Variants in SLC44A3 observed in about 807,000 individuals in gnomAD.
The protein encoded by SLC44A3 is solute carrier family 44 member 3.
In SLC44A3, 74 loss-of-function variants were observed where a neutral mutation model predicts 75.4. The ratio of observed to expected loss-of-function variants is 0.98; its 90% CI spans 0.81 to 1.19. The LOEUF (loss-of-function observed/expected upper bound fraction) is 1.19, where lower values mean the gene tolerates loss of function less well. Ranked by LOEUF, SLC44A3 falls within the 50% of genes most tolerant of loss-of-function variation. The probability of loss-of-function intolerance (pLI) is 0.00; values close to 1 mark genes in which losing one functional copy is unlikely to be tolerated. For missense variants in SLC44A3, 700 were observed against 778.6 expected, an observed-to-expected ratio of 0.90 and a Z score of 1.20; for synonymous variants, 310 against 296.9, an observed-to-expected ratio of 1.04 and a Z score of -0.45.
At chr1:94,893,211 CT>C in intron 14 of SLC44A3, among the ~76,000 whole-genome samples, 1 of 152,166 alleles carries the variant, frequency 6.6e-6, no homozygotes, top group Non-Finnish European at 1.5e-5. Context: ...TATTTGCATA[CT>C]TTTCTTTCAT....
chr1:94,863,081 A>C (rs184982938), intron 10 of SLC44A3, among the ~76,000 whole-genome samples: 62 of 152,044 alleles, frequency 4.1e-4, no homozygotes, highest in African/African-American at 1.5e-3. Context: ...TTTTTTCTGT[A>C]GGGCTGTTTC....
At chr1:94,891,295 C>T in intron 13 of SLC44A3, 28 bp downstream of exon 13, 1 of 1,566,980 alleles carries the variant, frequency 6.4e-7, no homozygotes, top group South Asian at 1.2e-5. Flanking sequence ...AATAAAGGAG[C>T]CTGGGATTCT....
chr1:94,865,564 C>T (rs1472343060), intron 11 of SLC44A3, among the ~76,000 whole-genome samples: 1 of 152,168 alleles, frequency 6.6e-6, no homozygotes, highest in East Asian at 1.9e-4. Context: ...TATTTCCATG[C>T]ACATTTGGTT....
chr1:94,855,805 G>A (rs3849304), intron 9 of SLC44A3, among the ~76,000 whole-genome samples: 25,569 of 152,152 alleles, frequency 0.17, 2,411 homozygotes, highest in Middle Eastern at 0.26. Flanking sequence ...TGAATGACGA[G>A]CCTAAAGTCA....
intron 9 of SLC44A3, among the ~76,000 whole-genome samples, chr1:94,848,549 G>T (rs1664759940): frequency 6.6e-6 from 1 of 152,322 alleles, no homozygotes; most frequent in Non-Finnish European, 1.5e-5. Context: ...GCCCCTTGTT[G>T]GCTGTGAATC....
At chr1:94,845,823 A>G (rs1664326407) in intron 9 of SLC44A3, among the ~76,000 whole-genome samples, 1 of 152,184 alleles carries the variant, frequency 6.6e-6, no homozygotes, top group Admixed American at 6.5e-5. Flanking sequence ...TCAGTAGGTG[A>G]CAAAGAAGAA....
rs376962705 is a variant in SLC44A3 at position 94,892,364 on chromosome 1, G to A, written c.1704G>A (p.Leu568=). Residue 568 remains leucine (L), a synonymous_variant, in exon 14 of 15, where the codon CTG becomes CTA. Transcript: ENST00000271227. ...CATTCCAGGTGTGGGCAGTCCCTCT[G>A]TTATTGGTAGCTTTTTTTGCCTACT... is the stretch of plus-strand genomic sequence containing the variant. The part of the protein sequence containing the change: ...NRAFQVWAVP[L]LLVAFFAYLV... The A allele has an allele frequency of 4.9e-5, 79 of 1,614,032 alleles. No homozygotes were observed. The highest frequency in any genetic ancestry group is 6.7e-5 in the Non-Finnish European group (79 of 1,180,032).
At chr1:94,827,678 T>C (rs1428401235) in intron 4 of SLC44A3, 35 bp downstream of exon 4, 2 of 1,610,958 alleles carry the variant, frequency 1.2e-6, no homozygotes, top group Non-Finnish European at 1.7e-6. Context: ...CTTTTCCCCA[T>C]GATGGGGTAA....
At chr1:94,854,501 G>A (rs1284421428) in intron 9 of SLC44A3, among the ~76,000 whole-genome samples, 1 of 152,178 alleles carries the variant, frequency 6.6e-6, no homozygotes, top group African/African-American at 2.4e-5. Flanking sequence ...TAGCTGTAGT[G>A]CCCAGTCCAT....
intron 6 of SLC44A3, among the ~76,000 whole-genome samples, chr1:94,838,357 C>G (rs1269344895): frequency 1.3e-5 from 2 of 152,214 alleles, no homozygotes; most frequent in Non-Finnish European, 2.9e-5. Flanking sequence ...AAGGGACATA[C>G]CTGCTTTGGG....
At chr1:94,859,716 A>G (rs529977945) in intron 10 of SLC44A3, among the ~76,000 whole-genome samples, 1 of 152,296 alleles carries the variant, frequency 6.6e-6, no homozygotes, top group South Asian at 2.1e-4. Context: ...GCTGGGGGCA[A>G]GTCTCTGTAC....
At chr1:94,865,642 CAA>C in intron 11 of SLC44A3, among the ~76,000 whole-genome samples, 1 of 152,292 alleles carries the variant, frequency 6.6e-6, no homozygotes, top group South Asian at 2.1e-4. Flanking sequence ...GCCTGCCAAA[CAA>C]GAGAAGATTG....
chr1:94,829,092 A>T (rs907292463), intron 5 of SLC44A3, among the ~76,000 whole-genome samples: 2 of 152,050 alleles, frequency 1.3e-5, no homozygotes, highest in African/African-American at 4.8e-5. Flanking sequence ...AAAAATATAT[A>T]CTATTTTTTT....
intron 12 of SLC44A3, among the ~76,000 whole-genome samples, chr1:94,869,550 C>T (rs1201130278): frequency 6.6e-6 from 1 of 152,034 alleles, no homozygotes; most frequent in Non-Finnish European, 1.5e-5. Flanking sequence ...GCCTAAGGTT[C>T]AGGAGATTGG....
chr1:94,885,082 C>T (rs1669417178), intron 12 of SLC44A3, among the ~76,000 whole-genome samples: 1 of 152,002 alleles, frequency 6.6e-6, no homozygotes, highest in South Asian at 2.1e-4. Context: ...CCTGTCTCTA[C>T]TAAAAATACA....
intron 3 of SLC44A3, among the ~76,000 whole-genome samples, chr1:94,826,743 T>G (rs926367646): frequency 3.9e-5 from 6 of 152,118 alleles, no homozygotes; most frequent in Admixed American, 6.5e-5. Flanking sequence ...GGAAATCTGT[T>G]CCTCATCTCC....
intron 9 of SLC44A3, among the ~76,000 whole-genome samples, chr1:94,852,068 A>G (rs1383396300): frequency 7.2e-5 from 11 of 152,228 alleles, no homozygotes; most frequent in Non-Finnish European, 1.6e-4. Context: ...AGAATATATT[A>G]CTTGAGGAAG....
intron 9 of SLC44A3, among the ~76,000 whole-genome samples, chr1:94,856,861 G>T (rs1340918778): frequency 4.6e-5 from 7 of 152,094 alleles, no homozygotes; most frequent in Admixed American, 4.6e-4. Context: ...CTTCCGAATA[G>T]CTGGAACTAC....
intron 12 of SLC44A3, among the ~76,000 whole-genome samples, chr1:94,889,838 T>C (rs1196646674): frequency 6.6e-6 from 1 of 152,078 alleles, no homozygotes; most frequent in Non-Finnish European, 1.5e-5. Flanking sequence ...AGTTACACTG[T>C]ATATTTTTTA....
Sources: gnomAD v4.1 joint callset for allele counts (sites outside exome capture counted in the v4.1 genomes callset) on GRCh38, gnomAD v4.1.1 for gene constraint, MANE v1.5 for transcripts, NCBI Gene and HGNC (gene_info 2026-07-23, HGNC 2026-07-21) for gene names.